TDRD10: variants seen among roughly 807,000 people sequenced by gnomAD.
TDRD10 encodes the protein tudor domain containing 10.
A neutral mutation model predicts 48.0 loss-of-function variants in TDRD10; 40 were observed. That is an observed-to-expected ratio of 0.83 (90% confidence interval 0.65 to 1.09). The LOEUF (loss-of-function observed/expected upper bound fraction) is 1.09, where lower values mean the gene tolerates loss of function less well. Among genes scored for constraint, TDRD10 ranks in the 50% least tolerant of loss-of-function variants. The pLI is 0.00. For synonymous variants in TDRD10, 162 were observed against 170.4 expected, an observed-to-expected ratio of 0.95 and a Z score of 0.38; for missense variants, 378 against 434.7, an observed-to-expected ratio of 0.87 and a Z score of 1.16.
chr1:154,506,852 T>C, intron 1 of TDRD10, 25 bp from the exon 2 acceptor site: 1 of 1,602,296 alleles, frequency 6.2e-7, no homozygotes, highest in Non-Finnish European at 8.6e-7. Context: ...GGCATTCCTC[T>C]AACTGTGGCC....
intron 5 of TDRD10, among the ~76,000 whole-genome samples, 166 bp from the exon 6 acceptor site, chr1:154,521,157 C>T (rs930261534): frequency 3.9e-5 from 6 of 152,188 alleles, no homozygotes; most frequent in African/African-American, 1.4e-4. Context: ...CACACTGGCC[C>T]AGCCCCAAGT....
chr1:154,544,367 C>CACAGGCTCTGCACCAGAACAT lies in TDRD10; in HGVS notation c.652-4_668dup. On this transcript the variant is annotated splice_polypyrimidine_tract_variant and splice_region_variant and intron_variant, in intron 9 of 12. Coordinates refer to ENST00000368482, the MANE Select transcript of TDRD10 (RefSeq NM_182499.4). ...AGTGGGGCCGTTGCGTTTTGCACCCCACAGGCTCTGCACCAGAACATGCAG... is the reference window on the plus strand; with the variant it reads ...AGTGGGGCCGTTGCGTTTTGCACCCCACAGGCTCTGCACCAGAACATACAGGCTCTGCACCAGAACATGCAG... The CACAGGCTCTGCACCAGAACAT allele has an allele frequency of 6.3e-7, 1 of 1,577,852 alleles. No individual in the cohort carries two copies. Among genetic ancestry groups the CACAGGCTCTGCACCAGAACAT allele is most frequent in the South Asian group, 1.2e-5 (1 of 86,484 alleles).
Position 154,542,831 on chromosome 1 carries a change from G to GTA in TDRD10, c.503+13_503+14dup. 6.2e-7 allele frequency: 1 copy of GTA among 1,611,250 alleles called. No homozygotes were observed. Among genetic ancestry groups the GTA allele is most frequent in the South Asian group, 1.1e-5 (1 of 90,978 alleles). ...TCCCGTTGGAAATGAGGTGAGCAAG[G>GTA]TATAGAAAGACCACCAGGGCAAATG... is the stretch of plus-strand genomic sequence containing the variant. On this transcript the variant is annotated intron_variant, in intron 8 of 12. Coordinates refer to ENST00000368482, the MANE Select transcript of TDRD10 (RefSeq NM_182499.4).
chr1:154,524,002 T>C (rs1189157570), intron 6 of TDRD10, among the ~76,000 whole-genome samples: 2 of 152,236 alleles, frequency 1.3e-5, no homozygotes, highest in East Asian at 3.8e-4. Flanking sequence ...TGCTGGACTT[T>C]TTCATCTTTT....
intron 4 of TDRD10, among the ~76,000 whole-genome samples, chr1:154,512,446 GA>G (rs1208735781): frequency 2.0e-5 from 3 of 152,132 alleles, no homozygotes; most frequent in Non-Finnish European, 1.5e-5. Context: ...CCAGGTTCAA[GA>G]AATTCTTCTG....
intron 6 of TDRD10, among the ~76,000 whole-genome samples, chr1:154,531,884 G>A (rs528850658): frequency 3.4e-4 from 52 of 152,322 alleles, no homozygotes; most frequent in African/African-American, 1.2e-3. Flanking sequence ...CTCACCACTA[G>A]ATTAGCTAGA....
chr1:154,521,603 C>A lies in TDRD10; in HGVS notation c.369+124C>A. The A allele has an allele frequency of 5.2e-6, 6 of 1,161,388 alleles. No individual in the cohort carries two copies. The South Asian group carries it at 6.2e-5, about 12-fold the overall frequency. The allele number at this position is 1,161,388 out of a possible 1,614,324, so 71.9% of individuals were successfully genotyped here. ...CTGACTGTGGAGAAGAAGGCAGGGT[C>A]TCGGGTGAAGTCAGGGAACTTTTAT... On this transcript the variant is annotated intron_variant, in intron 6 of 12. Coordinates refer to ENST00000368482, the MANE Select transcript of TDRD10 (RefSeq NM_182499.4).
In TDRD10 at chr1:154,531,133, G is replaced by T. The variant is rs374055712; in HGVS notation, c.369+9654G>T. On this transcript the variant is annotated intron_variant, in intron 6 of 12. Coordinates refer to ENST00000368482, the MANE Select transcript of TDRD10 (RefSeq NM_182499.4). Reference sequence around the variant, plus strand: ...TAGGATTACAGGTGTGAGCCACCACGCCTGGCCTAAAATTTCCATTTTTAA... The same window carrying T: ...TAGGATTACAGGTGTGAGCCACCACTCCTGGCCTAAAATTTCCATTTTTAA... 8.1e-4 allele frequency among the ~76,000 whole-genome samples: 123 copies of T among 152,266 alleles called. 2 individuals carry two copies. The highest frequency in any genetic ancestry group is 2.9e-3 in the African/African-American group (120 of 41,562).
intron 6 of TDRD10, chr1:154,534,610 T>C (rs535996040): frequency 6.6e-6 from 1 of 152,386 alleles, no homozygotes; most frequent in Admixed American, 6.5e-5. Context: ...CAAAGGTCAG[T>C]CGTTGTTGTT....
chr1:154,536,254 T>C (rs906072848), intron 6 of TDRD10, among the ~76,000 whole-genome samples: 1 of 152,196 alleles, frequency 6.6e-6, no homozygotes, highest in Non-Finnish European at 1.5e-5. Flanking sequence ...CACATGCCTG[T>C]AATCCTAGCT....
At chr1:154,521,569 C>T in intron 6 of TDRD10, 90 bp downstream of exon 6, 1 of 1,432,702 alleles carries the variant, frequency 7.0e-7, no homozygotes. Flanking sequence ...CATCCTCCTC[C>T]AGTCCAGTCT....
chr1:154,541,840 G>T, intron 6 of TDRD10, 184 bp from the exon 7 acceptor site: 1 of 548,220 alleles, frequency 1.8e-6, no homozygotes, highest in Admixed American at 3.4e-5. Context: ...TTTTCTTTGG[G>T]TTGGCTCAGG....
Position 154,547,987 on chromosome 1 carries a change from G to GTCTT in TDRD10, c.*282_*285dup, listed in dbSNP as rs1046119949. The GTCTT allele has an allele frequency of 2.2e-5, 12 of 533,412 alleles. No individual in the cohort carries two copies. The African/African-American group carries it at 2.3e-4, about 10-fold the overall frequency. 33.0% of individuals were successfully genotyped at this position (533,412 alleles called of 1,614,324 possible). ...TTGAAAGCCTGAGGCAGCTGGGATG[G>GTCTT]TCTTTCTTGTGTCTCTTCTTTGCAC... On this transcript the variant is annotated 3_prime_UTR_variant, in exon 13 of 13. Coordinates refer to ENST00000368482, the MANE Select transcript of TDRD10 (RefSeq NM_182499.4).
intron 5 of TDRD10, 89 bp downstream of exon 5, chr1:154,520,463 C>A: frequency 1.0e-6 from 1 of 967,566 alleles, no homozygotes; most frequent in Non-Finnish European, 1.6e-6. Context: ...GCAGACTAGC[C>A]CAGCAACCGC....
intron 1 of TDRD10, among the ~76,000 whole-genome samples, chr1:154,505,276 T>C (rs1693081404): frequency 1.3e-5 from 2 of 152,254 alleles, no homozygotes; most frequent in Admixed American, 6.5e-5. Flanking sequence ...CTGCTTAGCA[T>C]AGTACCTGGC....
rs116352706 is a variant in TDRD10 at position 154,542,442 on chromosome 1, G to T, written c.413-289G>T. On this transcript the variant is annotated intron_variant, in intron 7 of 12. Transcript: ENST00000368482. ...GGAGTCTTGCTGTGTTGCCTAGGCT[G>T]GTCTTAAACTCCTTGCCTTAAGTGA... 9.0e-3 allele frequency among the ~76,000 whole-genome samples: 1,371 copies of T among 152,244 alleles called. 22 individuals are homozygous for T. Among genetic ancestry groups the T allele is most frequent in the African/African-American group, 0.031 (1,304 of 41,522 alleles).
At position 154,529,489 on chromosome 1, in the gene TDRD10, A is replaced by G. The variant is rs1228794798; in HGVS notation, c.369+8010A>G. Among the ~76,000 whole-genome samples the G allele has an allele frequency of 2.0e-5, 3 of 151,974 alleles. No individual in the cohort carries two copies. The East Asian group carries it at 5.8e-4, about 29-fold the overall frequency. ...GGTTTTTGCCATTAAAAGTAATAGC[A>G]GAAACCGCAATAATTTTTGCACCAA... On this transcript the variant is annotated intron_variant, in intron 6 of 12. Coordinates refer to ENST00000368482, the MANE Select transcript of TDRD10 (RefSeq NM_182499.4).
chr1:154,546,273 T>C (rs1430342444), intron 11 of TDRD10, among the ~76,000 whole-genome samples: 3 of 149,534 alleles, frequency 2.0e-5, no homozygotes, highest in Non-Finnish European at 3.0e-5. Context: ...GGGGTTTCAC[T>C]GTGTTGGTCA....
chr1:154,514,878 T>A (rs10465961), intron 4 of TDRD10, among the ~76,000 whole-genome samples: 33,292 of 142,278 alleles, frequency 0.23, 4,113 homozygotes, highest in African/African-American at 0.28. Flanking sequence ...TTATTTATTT[T>A]TTTTTTTGAG....
Sources: gnomAD v4.1 joint callset for allele counts (sites outside exome capture counted in the v4.1 genomes callset) on GRCh38, gnomAD v4.1.1 for gene constraint, MANE v1.5 for transcripts, NCBI Gene and HGNC (gene_info 2026-07-23, HGNC 2026-07-21) for gene names.